Variants in LEMD2 observed in about 807,000 individuals in gnomAD.
LEMD2 encodes LEM domain nuclear envelope protein 2, also known as LEM domain-containing protein 2.
LEMD2 carries 34 observed loss-of-function variants against 58.8 expected under a neutral mutation model. The observed-to-expected ratio is 0.58, with a 90% CI of 0.44 to 0.77. The LOEUF (loss-of-function observed/expected upper bound fraction) is 0.77. Ranked by LOEUF, LEMD2 falls within the 30% of genes least tolerant of loss-of-function variation. The pLI is 0.00. For synonymous variants in LEMD2, 298 were observed against 308.9 expected, an observed-to-expected ratio of 0.96 and a Z score of 0.37; for missense variants, 629 against 717.9, an observed-to-expected ratio of 0.88 and a Z score of 1.42.
chr6:33,772,280 C>T lies in LEMD2; in HGVS notation c.*348G>A, dbSNP rs143560535. ...ACCTCCCAGGTGACAGACTCCCTGG[C>T]GTGGCCATGCCCCAGCCCACCAGCC... On this transcript the variant is annotated 3_prime_UTR_variant, in exon 9 of 9. Coordinates refer to ENST00000293760, the MANE Select transcript of LEMD2 (RefSeq NM_181336.4). The T allele has an allele frequency of 3.7e-4, 67 of 183,302 alleles. No homozygotes were observed. The highest frequency in any genetic ancestry group is 1.5e-3 in the African/African-American group (62 of 42,392). The allele number at this position is 183,302 out of a possible 1,614,324, so 11.4% of individuals were successfully genotyped here.
chr6:33,781,661 TC>T, intron 3 of LEMD2: 1 of 154,050 alleles, frequency 6.5e-6, no homozygotes, highest in Non-Finnish European at 1.4e-5. Flanking sequence ...AAGGGGCAGC[TC>T]CCCCGAGTGG....
At chr6:33,775,962 A>C (rs951622347) in intron 8 of LEMD2, among the ~76,000 whole-genome samples, 2 of 152,076 alleles carry the variant, frequency 1.3e-5, no homozygotes, top group African/African-American at 4.8e-5. Context: ...CTAGGGAGGG[A>C]CCACAACCAG....
Position 33,778,233 on chromosome 6 carries a change from A to G in LEMD2, c.1156+9T>C. On this transcript the variant is annotated intron_variant, in intron 6 of 8. Transcript: ENST00000293760. The surrounding 1 kb of genome is among the most constrained non-coding windows in gnomAD (Gnocchi z 4.7). ...CACAGAAGGGGAGGGAAGGCGGCCG[A>G]GGACTTACACCAGAAGAAGATGAGC... The G allele has an allele frequency of 2.5e-6, 4 of 1,578,552 alleles. No individual in the cohort carries two copies. The highest frequency in any genetic ancestry group is 3.4e-6 in the Non-Finnish European group (4 of 1,160,434).
At chr6:33,784,648 A>G (rs1767635572) in intron 2 of LEMD2, 4 of 493,856 alleles carry the variant, frequency 8.1e-6, no homozygotes, top group Non-Finnish European at 3.7e-6. Context: ...GCAGAGGCAA[A>G]GCTGAAAGCA....
intron 1 of LEMD2, 124 bp downstream of exon 1, chr6:33,788,257 G>A (rs929611914): frequency 2.0e-6 from 2 of 1,016,420 alleles, no homozygotes; most frequent in South Asian, 1.8e-5. Context: ...GCCTGGAAAT[G>A]AGAAGACAGT....
At chr6:33,773,268 AG>A (rs922148183) in intron 8 of LEMD2, among the ~76,000 whole-genome samples, 1 of 152,158 alleles carries the variant, frequency 6.6e-6, no homozygotes, top group Non-Finnish European at 1.5e-5. Context: ...GAGCTGCTCT[AG>A]GGAACCAGAG....
At chr6:33,777,641 G>C (rs973970243) in intron 6 of LEMD2, among the ~76,000 whole-genome samples, 1 of 152,176 alleles carries the variant, frequency 6.6e-6, no homozygotes, top group Non-Finnish European at 1.5e-5. Context: ...GGAGGGAGCT[G>C]TGTGCACACT....
intron 3 of LEMD2, 112 bp from the exon 4 acceptor site, chr6:33,781,265 C>T: frequency 1.4e-6 from 1 of 691,650 alleles, no homozygotes; most frequent in East Asian, 2.7e-5. Flanking sequence ...GCATGTTGCC[C>T]AGCGGCTCCT....
At chr6:33,781,741 C>T (rs1767569635) in intron 3 of LEMD2, 1 of 152,650 alleles carries the variant, frequency 6.6e-6, no homozygotes, top group African/African-American at 2.4e-5. Flanking sequence ...CCTCCCCGGT[C>T]CAGCCCAGGG....
chr6:33,780,293 C>T lies in LEMD2; in HGVS notation c.931-114G>A. 4 of 905,750 alleles carry T rather than the reference C, an allele frequency of 4.4e-6. No individual in the cohort carries two copies. The South Asian group carries it at 5.7e-5, about 13-fold the overall frequency. 56.1% of individuals were successfully genotyped at this position (905,750 alleles called of 1,614,324 possible). A position where few individuals can be genotyped will look rare whatever the true frequency, so the allele number is the denominator to read the frequency against. Reference sequence around the variant, plus strand: ...CCGTGTCCTCCACAGCCCCAAAACCCTGTTCTGCTAAAAGCACAGCAAAGT... The same window carrying T: ...CCGTGTCCTCCACAGCCCCAAAACCTTGTTCTGCTAAAAGCACAGCAAAGT... On this transcript the variant is annotated intron_variant, in intron 4 of 8. Transcript: ENST00000293760.
At chr6:33,781,016 A>T in intron 4 of LEMD2, 61 bp downstream of exon 4, 1 of 1,174,402 alleles carries the variant, frequency 8.5e-7, no homozygotes, top group Non-Finnish European at 1.3e-6. Flanking sequence ...ACAGGGCTTG[A>T]AAGACCAATA....
Position 33,772,581 on chromosome 6 carries a change from G to GGGCTGTCCTGGGACA in LEMD2, c.*32_*46dup, listed in dbSNP as rs776944333. On this transcript the variant is annotated 3_prime_UTR_variant, in exon 9 of 9. Coordinates refer to ENST00000293760, the MANE Select transcript of LEMD2 (RefSeq NM_181336.4). ...GGTGACCCTCCTGTGCCTCTGGAGTGGGCTGTCCTGGGACAGGCTGACCGG... is the reference window on the plus strand; with the variant it reads ...GGTGACCCTCCTGTGCCTCTGGAGTGGGCTGTCCTGGGACAGGCTGTCCTGGGACAGGCTGACCGG... 5 of 1,580,030 alleles carry GGGCTGTCCTGGGACA rather than the reference G, an allele frequency of 3.2e-6. No homozygotes were observed. The Admixed American group carries it at 5.2e-5, about 16-fold the overall frequency.
intron 2 of LEMD2, among the ~76,000 whole-genome samples, chr6:33,786,455 G>A (rs373074110): frequency 6.6e-6 from 1 of 152,168 alleles, no homozygotes; most frequent in East Asian, 1.9e-4. Context: ...CATCCCCCTA[G>A]ATTGACTCAG....
At chr6:33,786,914 G>A in intron 1 of LEMD2, 140 bp from the exon 2 acceptor site, 8 of 1,463,860 alleles carry the variant, frequency 5.5e-6, no homozygotes, top group Non-Finnish European at 5.4e-6. Flanking sequence ...ATCTAAGGAA[G>A]GCACTTTTAA....
At chr6:33,785,384 A>G (rs987975822) in intron 2 of LEMD2, among the ~76,000 whole-genome samples, 5 of 152,104 alleles carry the variant, frequency 3.3e-5, no homozygotes, top group African/African-American at 1.2e-4. Flanking sequence ...ACAAATAGGG[A>G]TATCTGCGTC....
At chr6:33,787,024 G>A in intron 1 of LEMD2, 1 of 754,666 alleles carries the variant, frequency 1.3e-6, no homozygotes, top group Non-Finnish European at 2.0e-6. Context: ...AAGTTTCTTG[G>A]GCAACTCAAC....
chr6:33,774,068 C>T (rs1767371518), intron 8 of LEMD2, among the ~76,000 whole-genome samples: 1 of 152,164 alleles, frequency 6.6e-6, no homozygotes, highest in Admixed American at 6.5e-5. Flanking sequence ...AGCTGCAGTG[C>T]CGTCTCATGC....
intron 3 of LEMD2, among the ~76,000 whole-genome samples, chr6:33,783,839 C>G (rs1176690234): frequency 1.3e-5 from 2 of 152,210 alleles, no homozygotes; most frequent in Non-Finnish European, 2.9e-5. Flanking sequence ...CTGAGAGGAT[C>G]AGGGACTTTG....
intron 8 of LEMD2, 166 bp downstream of exon 8, chr6:33,776,788 G>GA: frequency 1.6e-6 from 1 of 640,940 alleles, no homozygotes; most frequent in South Asian, 1.7e-5. Context: ...ATAAAGAGCC[G>GA]AGCATGCTGG....
Sources: gnomAD v4.1 joint callset for allele counts (sites outside exome capture counted in the v4.1 genomes callset) on GRCh38, gnomAD v4.1.1 for gene constraint, Gnocchi (gnomAD v3.1) non-coding constraint, MANE v1.5 for transcripts, NCBI Gene and HGNC (gene_info 2026-07-23, HGNC 2026-07-21) for gene names.